Variants in HERC4 observed in about 807,000 individuals in gnomAD.
HERC4 encodes the protein HECT and RLD domain containing E3 ubiquitin protein ligase 4.
A neutral mutation model predicts 124.3 loss-of-function variants in HERC4; 28 were observed. The ratio of observed to expected loss-of-function variants is 0.23; its 90% CI spans 0.17 to 0.31. The LOEUF (loss-of-function observed/expected upper bound fraction) is 0.31, where lower values mean the gene tolerates loss of function less well. Among genes scored for constraint, HERC4 ranks in the 10% least tolerant of loss-of-function variants. The pLI, the probability that HERC4 is intolerant of heterozygous loss-of-function variation, is 1.00. For missense variants in HERC4, 713 were observed against 1,229.3 expected (o/e 0.58, Z 6.28); for synonymous variants, 407 against 421.5 (o/e 0.97, Z 0.42).
In HERC4 at chr10:68,040,416, TAAA is replaced by T. The variant is rs1043742020; in HGVS notation, c.387-2250_387-2248del. On this transcript the variant is annotated intron_variant, in intron 4 of 24. Transcript: ENST00000373700. ...TTTCTTTGTTTTAGCTTTTAGAAAT[TAAA>T]AAATACTGTGAATGGTAAAACAAGG... The T allele has an allele frequency of 7.6e-5, 69 of 910,324 alleles. No homozygotes were observed. The African/African-American group carries it at 1.2e-3, about 16-fold the overall frequency. 56.4% of individuals were successfully genotyped at this position (910,324 alleles called of 1,614,324 possible).
At chr10:67,985,718 T>A (rs2036223083) in intron 15 of HERC4, among the ~76,000 whole-genome samples, 1 of 152,346 alleles carries the variant, frequency 6.6e-6, no homozygotes, top group Non-Finnish European at 1.5e-5. Flanking sequence ...TAAACTCATT[T>A]AGCTGATAAT....
chr10:68,001,831 T>C (rs1288990458), intron 9 of HERC4, among the ~76,000 whole-genome samples: 1 of 152,228 alleles, frequency 6.6e-6, no homozygotes, highest in Non-Finnish European at 1.5e-5. Context: ...TTTGTGTCTT[T>C]CACCCCACAT....
intron 23 of HERC4, among the ~76,000 whole-genome samples, chr10:67,927,759 C>T (rs1387937845): frequency 6.6e-6 from 1 of 152,002 alleles, no homozygotes; most frequent in Admixed American, 6.6e-5. Context: ...CCTGTCTTAA[C>T]TGAATGAACA....
intron 23 of HERC4, among the ~76,000 whole-genome samples, chr10:67,929,402 A>T (rs1357783542): frequency 1.3e-5 from 2 of 152,076 alleles, no homozygotes; most frequent in African/African-American, 4.8e-5. Context: ...ATTCACTATA[A>T]TTTTTTGTCT....
intron 9 of HERC4, among the ~76,000 whole-genome samples, chr10:68,004,837 T>C (rs563810554): frequency 2.0e-5 from 3 of 152,306 alleles, no homozygotes; most frequent in African/African-American, 7.2e-5. Flanking sequence ...AAGAACAGCA[T>C]GCAGGAAACC....
intron 9 of HERC4, among the ~76,000 whole-genome samples, chr10:68,012,242 T>C (rs1421814997): frequency 1.3e-5 from 2 of 152,350 alleles, no homozygotes; most frequent in African/African-American, 4.8e-5. Context: ...TTACCATTCA[T>C]GTATTCACCA....
chr10:68,050,424 A>AACCATTGTTTTCATTTTAAT (rs1286766657), intron 3 of HERC4, among the ~76,000 whole-genome samples: 1 of 152,212 alleles, frequency 6.6e-6, no homozygotes, highest in Admixed American at 6.5e-5. Context: ...AATGTATTAA[A>AACCATTGTTTTCATTTTAAT]ACCATTGTTT....
intron 15 of HERC4, among the ~76,000 whole-genome samples, chr10:67,975,170 CAA>C (rs761613881): frequency 4.0e-5 from 6 of 151,154 alleles, no homozygotes; most frequent in Non-Finnish European, 7.4e-5. Flanking sequence ...GCCTGGGTGA[CAA>C]GAGCCAAACT....
At chr10:67,952,528 T>A (rs2033866473) in intron 19 of HERC4, among the ~76,000 whole-genome samples, 1 of 151,668 alleles carries the variant, frequency 6.6e-6, no homozygotes, top group African/African-American at 2.4e-5. Flanking sequence ...CACCTTGGCC[T>A]CCCAAAGAGC....
chr10:68,040,622 G>A (rs1482479522), intron 4 of HERC4: 1 of 248,712 alleles, frequency 4.0e-6, no homozygotes, highest in African/African-American at 2.3e-5. Flanking sequence ...TGGGCGTGGT[G>A]GCTCAAGCCT....
intron 3 of HERC4, among the ~76,000 whole-genome samples, chr10:68,050,608 T>G (rs919855709): frequency 1.2e-4 from 18 of 152,194 alleles, no homozygotes; most frequent in Non-Finnish European, 2.5e-4. Context: ...AGAATAATAT[T>G]TAATAGCTGA....
Position 68,055,348 on chromosome 10 carries a change from T to A in HERC4, c.227-10785A>T, listed in dbSNP as rs538034965. Among the ~76,000 whole-genome samples, 3 of 152,328 alleles carry A rather than the reference T, an allele frequency of 2.0e-5. No individual in the cohort carries two copies. In the South Asian group the frequency reaches 6.2e-4, roughly 32 times the overall value. ...GAAAGTATTTTAGTGGGTTCCCTGA[T>A]AAAATCTAAAGTTAATATACACTAA... On this transcript the variant is annotated intron_variant, in intron 3 of 24. Transcript: ENST00000373700.
chr10:67,997,706 C>T lies in HERC4; in HGVS notation c.1070-5024G>A, dbSNP rs111395339. 1.2e-4 allele frequency among the ~76,000 whole-genome samples: 19 copies of T among 152,140 alleles called. 1 individual carries two copies. Among genetic ancestry groups the T allele is most frequent in the African/African-American group, 4.3e-4 (18 of 41,522 alleles). On this transcript the variant is annotated intron_variant, in intron 9 of 24. Transcript: ENST00000373700. ...AGTATCCTCTTGCTTTTCAAATTTG[C>T]ATTTCTTTGATACTAAAGAGGGTAA...
At chr10:67,944,191 T>G (rs1407813043) in intron 19 of HERC4, among the ~76,000 whole-genome samples, 1 of 152,206 alleles carries the variant, frequency 6.6e-6, no homozygotes, top group African/African-American at 2.4e-5. Context: ...GCAGTCCCAG[T>G]AGTGGTGTCT....
At chr10:68,009,724 T>A (rs961981089) in intron 9 of HERC4, among the ~76,000 whole-genome samples, 1 of 152,216 alleles carries the variant, frequency 6.6e-6, no homozygotes, top group African/African-American at 2.4e-5. Flanking sequence ...AGATGCTGCA[T>A]GATAGCATTT....
chr10:67,930,877 AC>A (rs1384364504), intron 23 of HERC4, among the ~76,000 whole-genome samples: 3 of 152,100 alleles, frequency 2.0e-5, no homozygotes, highest in East Asian at 1.9e-4. Flanking sequence ...ATGGGGTTTC[AC>A]CATGTTGGCC....
chr10:68,059,516 TATC>T (rs1254034046), intron 3 of HERC4, among the ~76,000 whole-genome samples: 2 of 94,992 alleles, frequency 2.1e-5, no homozygotes, highest in Admixed American at 1.3e-4. Context: ...TAATATTATA[TATC>T]ATAATAATAT....
chr10:67,966,470 T>C (rs926339409), intron 16 of HERC4: 5 of 431,018 alleles, frequency 1.2e-5, no homozygotes, highest in African/African-American at 1.0e-4. Context: ...GTGTAATCCA[T>C]TTCTTTGGTT....
At chr10:67,966,924 A>G (rs911773065) in intron 15 of HERC4, 122 bp from the exon 16 acceptor site, 62 of 597,048 alleles carry the variant, frequency 1.0e-4, no homozygotes, top group Non-Finnish European at 1.4e-4. Context: ...GCACAATCTC[A>G]GCTCACTGCA....
Sources: allele counts gnomAD v4.1 joint callset (sites outside exome capture counted in the v4.1 genomes callset), GRCh38; gene constraint gnomAD v4.1.1; transcripts MANE v1.5; gene names NCBI Gene and HGNC (gene_info 2026-07-23, HGNC 2026-07-21).